The following PPRC1 variants were observed in gnomAD, a reference collection of about 807,000 sequenced individuals.
The protein encoded by PPRC1 is peroxisome proliferator-activated receptor gamma coactivator-related protein 1.
A neutral mutation model predicts 132.5 loss-of-function variants in PPRC1; 23 were observed. The ratio of observed to expected loss-of-function variants is 0.17; its 90% CI spans 0.12 to 0.25. The LOEUF (loss-of-function observed/expected upper bound fraction) is 0.25, where lower values mean the gene tolerates loss of function less well. PPRC1 is among the 10% of genes least tolerant of loss of function. PPRC1 has a pLI of 1.00. For synonymous variants in PPRC1, 872 were observed against 833.5 expected (o/e 1.05, Z -0.80); for missense variants, 2,006 against 2,089.1 (o/e 0.96, Z 0.78).
Position 102,147,106 on chromosome 10 carries a change from C to T in PPRC1, c.4114C>T (p.Pro1372Ser). 1 of 1,614,190 alleles carries T rather than the reference C, an allele frequency of 6.2e-7. No homozygotes were observed. The highest frequency in any genetic ancestry group is 8.5e-7 in the Non-Finnish European group (1 of 1,180,036). The change falls in exon 9 of 14, where the codon CCA becomes TCA. Residue 1372 changes from proline (P) to serine (S), a missense_variant. Pro to Ser is a moderately conservative substitution (Grantham distance 74). Around this residue, in one of 2 missense-constraint regions of PPRC1, gnomAD observed 1,914 missense variants for 1,917.2 expected, o/e 1.00. Coordinates refer to ENST00000278070, the MANE Select transcript of PPRC1 (RefSeq NM_015062.5). ...AGATCCCTCAGCACCCTGCCTTGCC[C>T]CATCCAGCTTGCTGTCCCCTGAGGC... is the stretch of plus-strand genomic sequence containing the variant. ...QADPSAPCLA[P>S]SSLLSPEASP...
chr10:102,137,654 TC>T (rs1287961273), intron 1 of PPRC1, among the ~76,000 whole-genome samples, 195 bp from the exon 2 acceptor site: 6 of 152,256 alleles, frequency 3.9e-5, no homozygotes, highest in African/African-American at 1.4e-4. Flanking sequence ...CCCCAGAAGG[TC>T]CCTGAAAACT....
Position 102,141,978 on chromosome 10 carries a change from T to G in PPRC1, c.3470T>G (p.Val1157Gly), listed in dbSNP as rs2069004881. ...CCACGTACTCAGGGTTCTGAAGATG[T>G]GGTACAGGCTTTCATCAGTGAGATT... ...PTPRTQGSED[V>G]VQAFISEIGI... is the part of the protein sequence containing the mutation. The change falls in exon 5 of 14, where the codon GTG becomes GGG. Residue 1157 changes from valine to glycine, a missense_variant. Physicochemically the swap from Val to Gly is moderately radical, Grantham distance 109. This residue lies in a region of PPRC1 where 1,914 missense variants were observed against 1,917.2 expected (regional missense o/e 1.00). Coordinates refer to ENST00000278070, the MANE Select transcript of PPRC1 (RefSeq NM_015062.5). 6.2e-7 allele frequency: 1 copy of G among 1,612,146 alleles called. No individual in the cohort carries two copies. Among genetic ancestry groups the G allele is most frequent in the Admixed American group, 1.7e-5 (1 of 59,884 alleles).
chr10:102,141,451 C>T lies in PPRC1; in HGVS notation c.2943C>T (p.Pro981=). The change falls in exon 5 of 14, where the codon CCC becomes CCT. Residue 981 remains proline (P), a synonymous_variant. Transcript: ENST00000278070. Reference sequence around the variant, plus strand: ...ACAGTTCCACATGTACCTATGGGCCCTTGGGATGGGGCCCAGGGCCTCAAC... The same window carrying T: ...ACAGTTCCACATGTACCTATGGGCCTTTGGGATGGGGCCCAGGGCCTCAAC... ...SPYSSTCTYG[P]LGWGPGPQHA... is the part of the protein sequence containing the mutation. 6.2e-7 allele frequency: 1 copy of T among 1,613,920 alleles called. No individual in the cohort carries two copies. Among genetic ancestry groups the T allele is most frequent in the Non-Finnish European group, 8.5e-7 (1 of 1,180,010 alleles).
chr10:102,125,411 A>G, the PPRC1 span, among the ~76,000 whole-genome samples: 6 of 152,006 alleles, frequency 3.9e-5, no homozygotes, highest in Non-Finnish European at 8.8e-5. Flanking sequence ...GGCATGAGCC[A>G]CCACACCTGG....
chr10:102,145,168 G>GT, intron 8 of PPRC1, 78 bp downstream of exon 8: 1 of 1,369,592 alleles, frequency 7.3e-7, no homozygotes, highest in Non-Finnish European at 1.0e-6. Flanking sequence ...AATCCATTGT[G>GT]TGTAGGCGTT....
the PPRC1 span, among the ~76,000 whole-genome samples, chr10:102,126,019 T>G: frequency 1.3e-5 from 2 of 152,040 alleles, no homozygotes; most frequent in South Asian, 4.2e-4. Flanking sequence ...TGCACCACCA[T>G]GCCCGGCTAA....
intron 1 of PPRC1, among the ~76,000 whole-genome samples, chr10:102,137,009 C>A (rs1433458165): frequency 6.6e-6 from 1 of 152,212 alleles, no homozygotes; most frequent in Non-Finnish European, 1.5e-5. Flanking sequence ...CTTGGAATTA[C>A]CATTGAGAGG....
chr10:102,143,462 G>C (rs952593578), intron 6 of PPRC1, among the ~76,000 whole-genome samples: 3 of 152,086 alleles, frequency 2.0e-5, no homozygotes, highest in Non-Finnish European at 4.4e-5. Flanking sequence ...AGCTGGGCGA[G>C]GTGGCGGGCA....
In PPRC1 at chr10:102,140,290, C is replaced by T. The variant is rs142491819; in HGVS notation, c.1782C>T (p.Pro594=). Residue 594 remains proline (P), a synonymous_variant, in exon 5 of 14, where the codon CCC becomes CCT. Coordinates refer to ENST00000278070, the MANE Select transcript of PPRC1 (RefSeq NM_015062.5). ...PMPVDSVEAD[P]TAVGPVLAGP... ...CAGTTGACTCTGTTGAAGCTGATCC[C>T]ACTGCAGTTGGCCCTGTTCTAGCTG... 1 of 1,614,142 alleles carries T rather than the reference C, an allele frequency of 6.2e-7. No homozygotes were observed. The highest frequency in any genetic ancestry group is 8.5e-7 in the Non-Finnish European group (1 of 1,180,054).
At position 102,137,888 on chromosome 10, in the gene PPRC1, C is replaced by G; in HGVS notation, c.192C>G (p.Val64=). The change falls in exon 2 of 14, where the codon GTC becomes GTG. Residue 64 remains valine (V), a synonymous_variant. Transcript: ENST00000278070. ...AGGAGGCGGGTGATTCTGGCTTTGTCAGTCTCTCTCGGCTGGGCCCATCTC... is the reference window on the plus strand; with the variant it reads ...AGGAGGCGGGTGATTCTGGCTTTGTGAGTCTCTCTCGGCTGGGCCCATCTC... ...LHEEAGDSGF[V]SLSRLGPSLR... 1 of 1,614,056 alleles carries G rather than the reference C, an allele frequency of 6.2e-7. No individual in the cohort carries two copies. Among genetic ancestry groups the G allele is most frequent in the South Asian group, 1.1e-5 (1 of 91,064 alleles).
At chr10:102,133,402 C>T (rs2133579870) in intron 1 of PPRC1, among the ~76,000 whole-genome samples, 181 bp downstream of exon 1, 1 of 152,212 alleles carries the variant, frequency 6.6e-6, no homozygotes, top group South Asian at 2.1e-4. Context: ...GAGGCAGCGT[C>T]TCTACGGCCA....
rs377297525 is a variant in PPRC1 at position 102,149,934 on chromosome 10, C to T, written c.4900C>T (p.Arg1634Trp). ...TGTCTTTACCTTTATAGACTCCAAC[C>T]GGGAAGACTTTGACCCAGCACCTGT... is the stretch of plus-strand genomic sequence containing the variant. ...KRSYSDLDSNREDFDPAPVKS... is the reference protein window; with the variant it reads ...KRSYSDLDSNWEDFDPAPVKS... The change falls in exon 14 of 14, where the codon CGG (arginine) becomes TGG (tryptophan). Residue 1634 changes from arginine to tryptophan, a missense_variant. By Grantham distance (101) the Arg-to-Trp change is moderately radical. Coordinates refer to ENST00000278070, the MANE Select transcript of PPRC1 (RefSeq NM_015062.5). The T allele has an allele frequency of 4.5e-5, 72 of 1,610,390 alleles. No homozygotes were observed. The highest frequency in any genetic ancestry group is 1.2e-4 in the Admixed American group (7 of 59,980).
chr10:102,120,515 A>C, the PPRC1 span: 1 of 364,498 alleles, frequency 2.7e-6, no homozygotes, highest in Non-Finnish European at 3.8e-6. Flanking sequence ...GCCGGGCTTT[A>C]TTAATATGCT....
At chr10:102,132,016 A>G (rs1191183130), upstream of PPRC1, among the ~76,000 whole-genome samples, 1 of 152,246 alleles carries the variant, frequency 6.6e-6, no homozygotes, top group African/African-American at 2.4e-5. Context: ...AACTGGTGCT[A>G]AAGGCTCAGT....
At position 102,133,095 on chromosome 10, in the gene PPRC1, C is replaced by A; in HGVS notation, c.27C>A (p.Asp9Glu). The A allele has an allele frequency of 1.6e-6, 2 of 1,243,788 alleles. No homozygotes were observed. Among genetic ancestry groups the A allele is most frequent in the Non-Finnish European group, 2.0e-6 (2 of 988,180 alleles). The allele number at this position is 1,243,788 out of a possible 1,614,324, so 77.0% of individuals were successfully genotyped here. Residue 9 changes from aspartate (D) to glutamate (E), a missense_variant, in exon 1 of 14, where the codon GAC (aspartate) becomes GAA (glutamate). Coordinates refer to ENST00000278070, the MANE Select transcript of PPRC1 (RefSeq NM_015062.5). ...TGGCGGCGCGCCGGGGACGGAGAGA[C>A]GGAGTCGCGCCGCCCCCGAGTGGGG... MAARRGRRDGVAPPPSGGP... is the reference protein window; with the variant it reads MAARRGRREGVAPPPSGGP...
the PPRC1 span, among the ~76,000 whole-genome samples, chr10:102,122,356 A>G: frequency 6.6e-6 from 1 of 151,786 alleles, no homozygotes; most frequent in Admixed American, 6.6e-5. Flanking sequence ...CACTAGCTTT[A>G]TCCTCTGTAA....
the PPRC1 span, among the ~76,000 whole-genome samples, chr10:102,125,966 A>G: frequency 1.3e-5 from 2 of 150,084 alleles, no homozygotes; most frequent in Non-Finnish European, 3.0e-5. Flanking sequence ...GGGTTCAAGC[A>G]ATTCTCCTGC....
upstream of PPRC1, among the ~76,000 whole-genome samples, chr10:102,128,440 C>T (rs1011277686): frequency 1.1e-4 from 17 of 150,970 alleles, no homozygotes; most frequent in South Asian, 2.1e-4. Flanking sequence ...CACCGCACCC[C>T]GCCCCTCTAA....
At chr10:102,128,473 T>TG (rs1041986000), upstream of PPRC1, among the ~76,000 whole-genome samples, 2 of 151,878 alleles carry the variant, frequency 1.3e-5, no homozygotes, top group African/African-American at 4.8e-5. Context: ...TTTTGCCATG[T>TG]GGGCCTCTCC....
Sources: gnomAD v4.1 joint callset for allele counts (sites outside exome capture counted in the v4.1 genomes callset) on GRCh38, gnomAD v4.1.1 for gene constraint, gnomAD v4.1.1 regional missense constraint, MANE v1.5 for transcripts, NCBI Gene and HGNC (gene_info 2026-07-23, HGNC 2026-07-21) for gene names.